SKI: variants seen among roughly 807,000 people sequenced by gnomAD.
The protein encoded by SKI is SKI proto-oncogene.
A neutral mutation model predicts 59.3 loss-of-function variants in SKI; 23 were observed. The ratio of observed to expected loss-of-function variants is 0.39; its 90% CI spans 0.28 to 0.55. The LOEUF is 0.55. Among genes scored for constraint, SKI ranks in the 20% least tolerant of loss-of-function variants. SKI has a pLI of 0.67. For synonymous variants in SKI, 673 were observed against 488.6 expected, an observed-to-expected ratio of 1.38 and a Z score of -4.98; for missense variants, 1,017 against 1,038.9, an observed-to-expected ratio of 0.98 and a Z score of 0.29.
intron 1 of SKI, among the ~76,000 whole-genome samples, chr1:2,264,724 T>C (rs1639462774): frequency 6.6e-6 from 1 of 152,100 alleles, no homozygotes; most frequent in Non-Finnish European, 1.5e-5. Context: ...ACTTTAAAGA[T>C]GTTGCTGTAC....
intron 1 of SKI, among the ~76,000 whole-genome samples, chr1:2,246,644 G>A (rs1331170811): frequency 2.6e-5 from 4 of 152,164 alleles, no homozygotes; most frequent in African/African-American, 2.4e-5. Flanking sequence ...GTGCGAGCTG[G>A]GCGGGGGCTC....
At chr1:2,250,206 A>G (rs955678859) in intron 1 of SKI, among the ~76,000 whole-genome samples, 1 of 152,192 alleles carries the variant, frequency 6.6e-6, no homozygotes, top group Non-Finnish European at 1.5e-5. Flanking sequence ...GCACCTGGCC[A>G]TGGCCACCTG....
chr1:2,296,871 C>G (rs1640299393), intron 1 of SKI, among the ~76,000 whole-genome samples: 1 of 152,166 alleles, frequency 6.6e-6, no homozygotes, highest in African/African-American at 2.4e-5. Flanking sequence ...GCAGCCTCGG[C>G]TCTACAGACG....
rs1050489720 is a variant in SKI, at chr1:2,228,403, C to A, written c.-364C>A. 7.0e-6 allele frequency among the ~76,000 whole-genome samples: 1 copy of A among 142,770 alleles called. No homozygotes were observed. Among genetic ancestry groups the A allele is most frequent in the Admixed American group, 6.9e-5 (1 of 14,576 alleles). 93.7% of individuals were successfully genotyped at this position (142,770 alleles called of 152,430 possible). ...ACCTGCCCGCGCGCCCCCCGCGAGC[C>A]CCGGGCCCGCGAGCGTTGGCGTTGG... On this transcript the variant is annotated 5_prime_UTR_variant, in exon 1 of 7. Coordinates refer to ENST00000378536, the MANE Select transcript of SKI (RefSeq NM_003036.4).
At chr1:2,304,970 T>C (rs1442622917) in intron 5 of SKI, among the ~76,000 whole-genome samples, 1 of 152,242 alleles carries the variant, frequency 6.6e-6, no homozygotes, top group Non-Finnish European at 1.5e-5. Flanking sequence ...TGGAGACAGT[T>C]CCTTGCTCTG....
At chr1:2,285,390 C>T (rs1557840172) in intron 1 of SKI, among the ~76,000 whole-genome samples, 1 of 151,808 alleles carries the variant, frequency 6.6e-6, no homozygotes, top group South Asian at 2.1e-4. Context: ...TGGCGGGTGC[C>T]TGTAATCCCA....
At chr1:2,292,508 G>A (rs992826025) in intron 1 of SKI, among the ~76,000 whole-genome samples, 1 of 152,186 alleles carries the variant, frequency 6.6e-6, no homozygotes, top group Non-Finnish European at 1.5e-5. Context: ...CACCTCGAGA[G>A]CTCCTCCTTC....
At chr1:2,235,331 A>T (rs1638730176) in intron 1 of SKI, among the ~76,000 whole-genome samples, 1 of 152,166 alleles carries the variant, frequency 6.6e-6, no homozygotes, top group African/African-American at 2.4e-5. Flanking sequence ...GGCATAAGCC[A>T]CTGTGCCTGG....
intron 1 of SKI, among the ~76,000 whole-genome samples, chr1:2,284,655 C>T (rs558967611): frequency 2.0e-5 from 3 of 152,276 alleles, no homozygotes; most frequent in African/African-American, 4.8e-5. Context: ...ACTGCATGGG[C>T]CTCTTGCGGC....
intron 1 of SKI, among the ~76,000 whole-genome samples, chr1:2,276,299 G>C (rs1219060349): frequency 1.3e-5 from 2 of 150,996 alleles, no homozygotes; most frequent in African/African-American, 2.4e-5. Flanking sequence ...GCTCCACCCA[G>C]CTCTCAGAAG....
intron 1 of SKI, among the ~76,000 whole-genome samples, chr1:2,279,191 C>T (rs1404581829): frequency 6.6e-6 from 1 of 152,192 alleles, no homozygotes; most frequent in Admixed American, 6.5e-5. Flanking sequence ...TGGGGATGGC[C>T]CTGATCTCTG....
chr1:2,293,243 C>G (rs918462523), intron 1 of SKI, among the ~76,000 whole-genome samples: 2 of 152,144 alleles, frequency 1.3e-5, no homozygotes, highest in Non-Finnish European at 2.9e-5. Context: ...GGTTGGCGAT[C>G]GGGACTCACC....
chr1:2,274,819 C>T (rs1557833673), intron 1 of SKI, among the ~76,000 whole-genome samples: 1 of 152,206 alleles, frequency 6.6e-6, no homozygotes, highest in Non-Finnish European at 1.5e-5. Flanking sequence ...CCGGCTGCTG[C>T]CCCTTGCTGC....
intron 1 of SKI, among the ~76,000 whole-genome samples, chr1:2,300,972 C>G (rs957773961): frequency 1.3e-5 from 2 of 152,256 alleles, no homozygotes; most frequent in African/African-American, 2.4e-5. Flanking sequence ...GGCGTTGGCT[C>G]TCATGGAGGT....
Position 2,228,798 on chromosome 1 carries a change from T to C in SKI, c.32T>C (p.Phe11Ser). 7.5e-7 allele frequency: 1 copy of C among 1,335,018 alleles called. No homozygotes were observed. The highest frequency in any genetic ancestry group is 9.7e-7 in the Non-Finnish European group (1 of 1,030,860). 82.7% of individuals were successfully genotyped at this position (1,335,018 alleles called of 1,614,324 possible). ...GCGGCGGCAGGCGGCCGCGGCTGTT[T>C]CCAGCCGCACCCGGGGCTGCAGAAG... is the stretch of plus-strand genomic sequence containing the variant. Reference protein sequence around the residue: MEAAAGGRGCFQPHPGLQKTL... With the variant: MEAAAGGRGCSQPHPGLQKTL... Residue 11 changes from phenylalanine to serine, a missense_variant, in exon 1 of 7, where the codon TTC (phenylalanine) becomes TCC (serine). Phe to Ser is a radical substitution (Grantham distance 155, BLOSUM62 -2). Coordinates refer to ENST00000378536, the MANE Select transcript of SKI (RefSeq NM_003036.4).
At chr1:2,290,536 C>CG (rs35471620) in intron 1 of SKI, among the ~76,000 whole-genome samples, 53,368 of 152,054 alleles carry the variant, frequency 0.35, 10,231 homozygotes, top group East Asian at 0.45. Context: ...CAACAGTTGG[C>CG]GGGTGGGCTG....
intron 1 of SKI, among the ~76,000 whole-genome samples, chr1:2,275,658 G>A (rs771289971): frequency 2.0e-5 from 3 of 152,168 alleles, no homozygotes; most frequent in Non-Finnish European, 4.4e-5. Flanking sequence ...GACTACAGGC[G>A]TGTGCCATCA....
intron 1 of SKI, among the ~76,000 whole-genome samples, chr1:2,230,535 T>G (rs1638611738): frequency 6.6e-6 from 1 of 152,140 alleles, no homozygotes; most frequent in East Asian, 1.9e-4. Flanking sequence ...CCCATTTCCT[T>G]CTCTCCCTCT....
At chr1:2,305,849 T>A (rs1640559305) in intron 5 of SKI, among the ~76,000 whole-genome samples, 171 bp from the exon 6 acceptor site, 1 of 152,168 alleles carries the variant, frequency 6.6e-6, no homozygotes, top group Non-Finnish European at 1.5e-5. Context: ...CTGAAAAGCC[T>A]TTGTGGGGTC....
Sources: gnomAD v4.1 joint callset for allele counts (sites outside exome capture counted in the v4.1 genomes callset) on GRCh38, gnomAD v4.1.1 for gene constraint, MANE v1.5 for transcripts, NCBI Gene and HGNC (gene_info 2026-07-23, HGNC 2026-07-21) for gene names.